Variants in WDHD1 observed in about 807,000 individuals in gnomAD.
WDHD1 encodes WD repeat and HMG-box DNA binding protein 1.
Under a neutral mutation model 135.4 loss-of-function variants are expected in WDHD1, and 111 were observed. The ratio of observed to expected loss-of-function variants is 0.82; its 90% CI spans 0.70 to 0.96. WDHD1 has a LOEUF of 0.96. Among genes scored for constraint, WDHD1 ranks in the 40% least tolerant of loss-of-function variants. The probability of loss-of-function intolerance (pLI) is 0.00; values close to 1 mark genes in which losing one functional copy is unlikely to be tolerated. For missense variants in WDHD1, 1,351 were observed against 1,336.3 expected (o/e 1.01, Z -0.17); for synonymous variants, 434 against 439.0 (o/e 0.99, Z 0.14).
intron 10 of WDHD1, among the ~76,000 whole-genome samples, chr14:54,997,867 C>T (rs755794857): frequency 1.4e-5 from 2 of 146,360 alleles, no homozygotes; most frequent in Non-Finnish European, 3.0e-5. Context: ...GCCGAGATCG[C>T]GCCATTGCAC....
chr14:54,958,246 C>T (rs1595066082), intron 21 of WDHD1, among the ~76,000 whole-genome samples: 1 of 151,984 alleles, frequency 6.6e-6, no homozygotes, highest in East Asian at 1.9e-4. Flanking sequence ...ACTGTCTCAG[C>T]CTCCCGAATT....
chr14:54,991,244 G>A lies in WDHD1; in HGVS notation c.1310C>T (p.Ser437Phe). The part of the protein sequence containing the change: ...TPRQKPFQSG[S>F]TPLHLTHRFM... ...TCTGTGAGTGAGATGCAACGGTGTAGAACCTGACTGAAATGGCTTTTGCCG... is the reference window on the plus strand; with the variant it reads ...TCTGTGAGTGAGATGCAACGGTGTAAAACCTGACTGAAATGGCTTTTGCCG... The change falls in exon 12 of 26, where the codon TCT (serine) becomes TTT (phenylalanine). Residue 437 changes from serine to phenylalanine, a missense_variant. Coordinates refer to ENST00000360586, the MANE Select transcript of WDHD1 (RefSeq NM_007086.4). 1.9e-6 allele frequency: 3 copies of A among 1,609,802 alleles called. No individual in the cohort carries two copies. Among genetic ancestry groups the A allele is most frequent in the Non-Finnish European group, 2.6e-6 (3 of 1,176,084 alleles).
At chr14:54,998,342 C>T (rs2041920446) in intron 10 of WDHD1, among the ~76,000 whole-genome samples, 1 of 152,066 alleles carries the variant, frequency 6.6e-6, no homozygotes, top group Non-Finnish European at 1.5e-5. Flanking sequence ...GTTGGCCAGG[C>T]TGGTCTTGAA....
intron 14 of WDHD1, among the ~76,000 whole-genome samples, chr14:54,986,123 T>C (rs924430484): frequency 4.6e-5 from 7 of 152,230 alleles, no homozygotes; most frequent in Non-Finnish European, 7.3e-5. Context: ...CCATGGATTA[T>C]GATAAAATTC....
At position 54,944,332 on chromosome 14, in the gene WDHD1, CT is replaced by C. The variant is rs758627685; in HGVS notation, c.3188del (p.Lys1063ArgfsTer42). ...TCAATCTCGGCACAATTATCCTTAC[CT>C]TTCTTTCTTCAGTTGACAATACTCT... ...RFRVLSTEER[K>X]VWANKAKGET... On this transcript the variant is annotated frameshift_variant and splice_region_variant, in exon 25 of 26. Coordinates refer to ENST00000360586, the MANE Select transcript of WDHD1 (RefSeq NM_007086.4). LOFTEE classifies it high-confidence loss of function. 2 of 1,600,460 alleles carry C rather than the reference CT, an allele frequency of 1.2e-6. No individual in the cohort carries two copies. Among genetic ancestry groups the C allele is most frequent in the Admixed American group, 3.6e-5 (2 of 55,380 alleles).
chr14:54,962,968 T>C lies in WDHD1; in HGVS notation c.2515A>G (p.Lys839Glu). Residue 839 changes from lysine to glutamate, a missense_variant, in exon 19 of 26, where the codon AAA (lysine) becomes GAA (glutamate). This residue lies in a region of WDHD1 where 1,330 missense variants were observed against 1,296.1 expected (regional missense o/e 1.03). Transcript: ENST00000360586. The part of the protein sequence containing the change: ...EEEEEEEDFR[K>E]KLNAGYSNTA... ...ATTTCTTACCCAGCATTCAGCTTTTTTCTGAAATCTTCTTCTTCTTCTTCC... is the reference window on the plus strand; with the variant it reads ...ATTTCTTACCCAGCATTCAGCTTTTCTCTGAAATCTTCTTCTTCTTCTTCC... 1 of 1,613,958 alleles carries C rather than the reference T, an allele frequency of 6.2e-7. No individual in the cohort carries two copies. Among genetic ancestry groups the C allele is most frequent in the Non-Finnish European group, 8.5e-7 (1 of 1,179,968 alleles).
intron 11 of WDHD1, among the ~76,000 whole-genome samples, 187 bp downstream of exon 11, chr14:54,995,416 C>A (rs1396580638): frequency 1.3e-5 from 2 of 152,040 alleles, no homozygotes; most frequent in Non-Finnish European, 2.9e-5. Context: ...TTTTTCTAGT[C>A]TGCCATAGCA....
At chr14:54,945,150 C>T (rs973496254) in intron 24 of WDHD1, among the ~76,000 whole-genome samples, 3 of 152,118 alleles carry the variant, frequency 2.0e-5, no homozygotes, top group Non-Finnish European at 4.4e-5. Flanking sequence ...TATTTGAATT[C>T]CTCACGACTT....
chr14:55,010,246 A>G, intron 4 of WDHD1, 63 bp downstream of exon 4: 1 of 1,415,308 alleles, frequency 7.1e-7, no homozygotes, highest in Non-Finnish European at 9.3e-7. Flanking sequence ...CACTACCCTG[A>G]AACAAATAAA....
Position 55,013,529 on chromosome 14 carries a change from T to C in WDHD1, c.145A>G (p.Lys49Glu). Reference protein sequence around the residue: ...IWEDLDDDDPKFINVGEKAYS... With the variant: ...IWEDLDDDDPEFINVGEKAYS... ...GCCTTTTCTCCAACATTAATGAACT[T>C]AGGATCATCATCATCCAAGTCTTCC... The change falls in exon 3 of 26, where the codon AAG (lysine) becomes GAG (glutamate). Residue 49 changes from lysine (K) to glutamate (E), a missense_variant. Coordinates refer to ENST00000360586, the MANE Select transcript of WDHD1 (RefSeq NM_007086.4). The C allele has an allele frequency of 6.2e-7, 1 of 1,614,054 alleles. No individual in the cohort carries two copies. The highest frequency in any genetic ancestry group is 8.5e-7 in the Non-Finnish European group (1 of 1,179,990).
chr14:54,991,236 A>G lies in WDHD1; in HGVS notation c.1318T>C (p.Leu440=). 1 of 1,604,434 alleles carries G rather than the reference A, an allele frequency of 6.2e-7. No individual in the cohort carries two copies. The highest frequency in any genetic ancestry group is 8.5e-7 in the Non-Finnish European group (1 of 1,171,478). The change falls in exon 12 of 26, where the codon TTG becomes CTG. Residue 440 remains leucine, a synonymous_variant. Coordinates refer to ENST00000360586, the MANE Select transcript of WDHD1 (RefSeq NM_007086.4). ...ACCATGAATCTGTGAGTGAGATGCA[A>G]CGGTGTAGAACCTGACTGAAATGGC... ...QKPFQSGSTP[L]HLTHRFMVWN...
chr14:54,943,392 T>C (rs548702886), intron 25 of WDHD1, among the ~76,000 whole-genome samples: 2 of 152,186 alleles, frequency 1.3e-5, no homozygotes, highest in South Asian at 2.1e-4. Flanking sequence ...TCATTTTTAC[T>C]TATTAATTTT....
intron 11 of WDHD1, among the ~76,000 whole-genome samples, chr14:54,993,009 G>A (rs111478437): frequency 0.03 from 4,549 of 152,054 alleles, 211 homozygotes; most frequent in African/African-American, 0.1. Context: ...AGTATAAAGA[G>A]GATCTATAAA....
intron 2 of WDHD1, among the ~76,000 whole-genome samples, chr14:55,017,960 G>T (rs1271618055): frequency 6.6e-6 from 1 of 152,042 alleles, no homozygotes; most frequent in Non-Finnish European, 1.5e-5. Flanking sequence ...GTGATATACA[G>T]AAAAACTACT....
At chr14:54,981,452 A>G in intron 16 of WDHD1, 88 bp downstream of exon 16, 1 of 1,313,620 alleles carries the variant, frequency 7.6e-7, no homozygotes, top group Non-Finnish European at 1.1e-6. Flanking sequence ...ACTAAGATAA[A>G]AGACAAATAC....
chr14:55,026,692 G>GT lies in WDHD1; in HGVS notation c.77+18dup. 6.2e-7 allele frequency: 1 copy of GT among 1,613,448 alleles called. No individual in the cohort carries two copies. The highest frequency in any genetic ancestry group is 8.5e-7 in the Non-Finnish European group (1 of 1,179,388). ...TTTTAACATTTGCACCTAAAACGTT[G>GT]TTTCTCAAAGAACCTTACCTCCCAG... On this transcript the variant is annotated intron_variant, in intron 2 of 25. Coordinates refer to ENST00000360586, the MANE Select transcript of WDHD1 (RefSeq NM_007086.4).
intron 16 of WDHD1, among the ~76,000 whole-genome samples, chr14:54,980,012 C>A (rs34543433): frequency 6.6e-6 from 1 of 152,090 alleles, no homozygotes; most frequent in East Asian, 1.9e-4. Context: ...AGAGAATGTA[C>A]CAGCCATATC....
chr14:54,986,653 C>G (rs1223367367), intron 14 of WDHD1, among the ~76,000 whole-genome samples: 1 of 152,018 alleles, frequency 6.6e-6, no homozygotes, highest in Non-Finnish European at 1.5e-5. Context: ...TATGATGTCA[C>G]AGAAGTCATG....
intron 10 of WDHD1, among the ~76,000 whole-genome samples, chr14:54,999,362 G>C (rs2041942274): frequency 6.6e-6 from 1 of 152,132 alleles, no homozygotes; most frequent in African/African-American, 2.4e-5. Flanking sequence ...GGGAGGGCAG[G>C]TACCCAGCTT....
Sources: allele counts gnomAD v4.1 joint callset (sites outside exome capture counted in the v4.1 genomes callset), GRCh38; gene constraint gnomAD v4.1.1; regional missense constraint gnomAD v4.1.1; transcripts MANE v1.5; gene names NCBI Gene and HGNC (gene_info 2026-07-23, HGNC 2026-07-21).